ASIC2: variants seen among roughly 807,000 people sequenced by gnomAD.
ASIC2 encodes the protein acid sensing ion channel subunit 2, also known as acid-sensing ion channel 2.
In ASIC2, 25 loss-of-function variants were observed where a neutral mutation model predicts 57.3. That is an observed-to-expected ratio of 0.44 (90% CI 0.32 to 0.61). The LOEUF is 0.61. ASIC2 is among the 20% of genes least tolerant of loss of function. ASIC2 has a pLI of 0.06. For missense variants in ASIC2, 641 were observed against 738.1 expected, an observed-to-expected ratio of 0.87 and a Z score of 1.52; for synonymous variants, 319 against 307.5, an observed-to-expected ratio of 1.04 and a Z score of -0.39.
At chr17:33,082,876 G>A (rs765864160) in intron 3 of ASIC2, among the ~76,000 whole-genome samples, 1 of 151,966 alleles carries the variant, frequency 6.6e-6, no homozygotes, top group Admixed American at 6.6e-5. Flanking sequence ...AATTTTCCCC[G>A]AATTCCAGAA....
At chr17:33,181,957 G>A (rs188551706) in intron 1 of ASIC2, among the ~76,000 whole-genome samples, 98 of 152,312 alleles carry the variant, frequency 6.4e-4, no homozygotes, top group African/African-American at 1.9e-3. Flanking sequence ...GGGCCAGATC[G>A]TGTAGAACCC....
intron 1 of ASIC2, among the ~76,000 whole-genome samples, chr17:33,502,111 G>A (rs1914117649): frequency 6.6e-6 from 1 of 152,132 alleles, no homozygotes; most frequent in African/African-American, 2.4e-5. Context: ...GATCTAGGGG[G>A]AAGGGGTGGG....
chr17:33,324,345 A>T (rs1418127097), intron 1 of ASIC2, among the ~76,000 whole-genome samples: 1 of 151,944 alleles, frequency 6.6e-6, no homozygotes, highest in Non-Finnish European at 1.5e-5. Flanking sequence ...GGGCAACTTG[A>T]CTCTCTGCCC....
intron 1 of ASIC2, among the ~76,000 whole-genome samples, chr17:33,786,851 T>C (rs932663933): frequency 1.3e-5 from 2 of 152,202 alleles, no homozygotes; most frequent in Non-Finnish European, 2.9e-5. Context: ...AAGGGCATTT[T>C]GCATGAAGAG....
chr17:33,177,789 T>A (rs1905818590), intron 1 of ASIC2, among the ~76,000 whole-genome samples: 1 of 152,126 alleles, frequency 6.6e-6, no homozygotes, highest in Non-Finnish European at 1.5e-5. Context: ...ATTCTCTTAC[T>A]TGCTTGCTGA....
At chr17:33,747,488 G>C (rs923968048) in intron 1 of ASIC2, among the ~76,000 whole-genome samples, 1 of 152,108 alleles carries the variant, frequency 6.6e-6, no homozygotes, top group Non-Finnish European at 1.5e-5. Flanking sequence ...CTCTCAAAGT[G>C]CTGGGATGGC....
intron 1 of ASIC2, among the ~76,000 whole-genome samples, chr17:33,305,948 G>C (rs1357716899): frequency 1.3e-5 from 2 of 152,114 alleles, no homozygotes; most frequent in Non-Finnish European, 2.9e-5. Context: ...TGAGCAAACA[G>C]TTATTATTCG....
intron 1 of ASIC2, among the ~76,000 whole-genome samples, chr17:33,224,911 T>C (rs940304295): frequency 1.1e-4 from 16 of 152,194 alleles, no homozygotes; most frequent in African/African-American, 3.9e-4. Context: ...AATGCCTTCC[T>C]TCCCTGGGAG....
At chr17:33,779,675 A>C (rs1182062797) in intron 1 of ASIC2, among the ~76,000 whole-genome samples, 2 of 152,028 alleles carry the variant, frequency 1.3e-5, no homozygotes, top group African/African-American at 2.4e-5. Context: ...AGTGAGGGGG[A>C]GGGATGATGG....
chr17:33,310,866 ATCTATATCTGCC>A (rs1363828305), intron 1 of ASIC2, among the ~76,000 whole-genome samples: 30 of 152,202 alleles, frequency 2.0e-4, no homozygotes, highest in Non-Finnish European at 3.7e-4. Context: ...ATCTATGTAT[ATCTATATCTGCC>A]TCTATATCTA....
chr17:33,315,626 T>C (rs1317001687), intron 1 of ASIC2, among the ~76,000 whole-genome samples: 1 of 152,228 alleles, frequency 6.6e-6, no homozygotes, highest in Non-Finnish European at 1.5e-5. Flanking sequence ...ATGATCCTGC[T>C]GTTTAAGGGA....
chr17:33,325,791 A>T (rs1019975918), intron 1 of ASIC2, among the ~76,000 whole-genome samples: 4 of 152,010 alleles, frequency 2.6e-5, no homozygotes, highest in African/African-American at 9.7e-5. Flanking sequence ...TGGTGATGGG[A>T]AACAGTGGAG....
chr17:33,513,944 G>A (rs1404014628), intron 1 of ASIC2, among the ~76,000 whole-genome samples: 1 of 152,182 alleles, frequency 6.6e-6, no homozygotes, highest in African/African-American at 2.4e-5. Flanking sequence ...ATAGGTGTAG[G>A]GAGGGCACCA....
chr17:33,644,644 T>C (rs1251772395), intron 1 of ASIC2, among the ~76,000 whole-genome samples: 2 of 152,238 alleles, frequency 1.3e-5, no homozygotes, highest in African/African-American at 2.4e-5. Context: ...ATGCATTGTA[T>C]TGGGTTCAAA....
chr17:33,347,120 G>A (rs534096382), intron 1 of ASIC2, among the ~76,000 whole-genome samples: 15 of 152,270 alleles, frequency 9.9e-5, no homozygotes, highest in Admixed American at 1.3e-4. Context: ...AATTATAGAA[G>A]CAAGCTCTTG....
At chr17:33,414,638 G>A (rs1159803184) in intron 1 of ASIC2, among the ~76,000 whole-genome samples, 3 of 152,190 alleles carry the variant, frequency 2.0e-5, no homozygotes, top group South Asian at 2.1e-4. Context: ...TCTGAGGGCA[G>A]GTGCTCCAGG....
chr17:33,840,654 G>C (rs1051296493), intron 1 of ASIC2, among the ~76,000 whole-genome samples: 2 of 152,198 alleles, frequency 1.3e-5, no homozygotes, highest in Admixed American at 1.3e-4. Flanking sequence ...ACATCTACTA[G>C]TTGGGTTTTA....
intron 1 of ASIC2, among the ~76,000 whole-genome samples, chr17:33,905,615 G>C (rs1304065618): frequency 6.6e-6 from 1 of 152,186 alleles, no homozygotes; most frequent in Non-Finnish European, 1.5e-5. Context: ...TATGGGGTTT[G>C]AACCTGTAGA....
chr17:34,069,112 G>C (rs8070434), intron 1 of ASIC2, among the ~76,000 whole-genome samples: 132,418 of 151,926 alleles, frequency 0.87, 57,853 homozygotes, highest in South Asian at 0.9. Context: ...GGCTCGAAAT[G>C]AGCCGTGATG....
Sources: allele counts gnomAD v4.1 joint callset (sites outside exome capture counted in the v4.1 genomes callset), GRCh38; gene constraint gnomAD v4.1.1; transcripts MANE v1.5; gene names NCBI Gene and HGNC (gene_info 2026-07-23, HGNC 2026-07-21).